CNTN4: variants seen among roughly 807,000 people sequenced by gnomAD.
The protein encoded by CNTN4 is contactin 4.
A neutral mutation model predicts 122.5 loss-of-function variants in CNTN4; 77 were observed. The observed-to-expected ratio is 0.63, with a 90% CI of 0.52 to 0.76. The LOEUF is 0.76. Among genes scored for constraint, CNTN4 ranks in the 30% least tolerant of loss-of-function variants. CNTN4 has a pLI of 0.00. For synonymous variants in CNTN4, 512 were observed against 447.0 expected, an observed-to-expected ratio of 1.15 and a Z score of -1.83; for missense variants, 1,256 against 1,259.1, an observed-to-expected ratio of 1.00 and a Z score of 0.04.
At chr3:2,940,535 G>C (rs906539346) in intron 13 of CNTN4, among the ~76,000 whole-genome samples, 2 of 152,166 alleles carry the variant, frequency 1.3e-5, no homozygotes, top group African/African-American at 4.8e-5. Context: ...TCATTAGGAT[G>C]GAGGAGATTG....
intron 8 of CNTN4, among the ~76,000 whole-genome samples, chr3:2,875,682 A>G (rs1284597114): frequency 2.0e-5 from 3 of 152,196 alleles, no homozygotes; most frequent in African/African-American, 7.2e-5. Context: ...CCCTTGACAA[A>G]ATGATATCAT....
chr3:2,925,875 C>G (rs757971933), intron 13 of CNTN4, 96 bp downstream of exon 13: 27 of 1,056,230 alleles, frequency 2.6e-5, no homozygotes, highest in Non-Finnish European at 3.8e-5. Context: ...TGACTATCTG[C>G]TGTTCCTGAA....
chr3:2,103,187 T>C (rs1488831121), intron 2 of CNTN4, among the ~76,000 whole-genome samples: 1 of 152,030 alleles, frequency 6.6e-6, no homozygotes, highest in Non-Finnish European at 1.5e-5. Flanking sequence ...ACAGCTTTTT[T>C]TTTTTTTGCT....
intron 4 of CNTN4, among the ~76,000 whole-genome samples, chr3:2,727,923 C>T (rs996416678): frequency 7.2e-5 from 11 of 152,174 alleles, no homozygotes; most frequent in Non-Finnish European, 1.5e-4. Context: ...TAATGTTTAT[C>T]CTTTAAGCAG....
chr3:2,300,344 T>C (rs956913664), intron 2 of CNTN4, among the ~76,000 whole-genome samples: 11 of 152,154 alleles, frequency 7.2e-5, no homozygotes, highest in Non-Finnish European at 1.6e-4. Flanking sequence ...TAGATTTGTA[T>C]GTGTAACGTT....
chr3:2,773,765 T>TTTTTTTTC (rs1357007249), intron 6 of CNTN4, among the ~76,000 whole-genome samples: 3 of 141,054 alleles, frequency 2.1e-5, no homozygotes, highest in Non-Finnish European at 4.7e-5. Flanking sequence ...TAGTAGACTT[T>TTTTTTTTC]TTTTTTTTTT....
chr3:2,120,409 T>TATATATATATATA (rs1559261225), intron 2 of CNTN4, among the ~76,000 whole-genome samples: 1 of 104,422 alleles, frequency 9.6e-6, no homozygotes, highest in African/African-American at 4.5e-5. Flanking sequence ...ATATATATTT[T>TATATATATATATA]TTTTTTTTTT....
At chr3:2,748,402 GA>G in intron 6 of CNTN4, among the ~76,000 whole-genome samples, 1 of 146,362 alleles carries the variant, frequency 6.8e-6, no homozygotes, top group South Asian at 2.2e-4. Context: ...CATCATATCT[GA>G]AATTGCTTTA....
intron 14 of CNTN4, among the ~76,000 whole-genome samples, chr3:3,011,080 T>A (rs553733696): frequency 1.3e-5 from 2 of 152,318 alleles, no homozygotes; most frequent in Non-Finnish European, 2.9e-5. Flanking sequence ...GCATTTGCGC[T>A]GATCTTCCCA....
intron 6 of CNTN4, among the ~76,000 whole-genome samples, chr3:2,761,437 C>CGT (rs2090584834): frequency 4.6e-5 from 6 of 130,380 alleles, no homozygotes; most frequent in African/African-American, 1.5e-4. Flanking sequence ...GTAAGTGTAA[C>CGT]CTGTGTGTGT....
chr3:2,904,641 T>C (rs773918166), intron 12 of CNTN4, among the ~76,000 whole-genome samples: 1 of 152,218 alleles, frequency 6.6e-6, no homozygotes, highest in Non-Finnish European at 1.5e-5. Flanking sequence ...CCAGGACACA[T>C]ATGATGATTC....
chr3:3,039,254 C>CA lies in CNTN4; in HGVS notation c.2163+260dup, dbSNP rs200948226. ...TATGAAGGGAAGACAACACACGTTACAAAAAAAAATAAAGAAGGCTGTTTC... is the reference window on the plus strand; with the variant it reads ...TATGAAGGGAAGACAACACACGTTACAAAAAAAAAATAAAGAAGGCTGTTTC... On this transcript the variant is annotated intron_variant, in intron 19 of 24. Coordinates refer to ENST00000418658, the MANE Select transcript of CNTN4 (RefSeq NM_175607.3). 5.7e-3 allele frequency: 2,307 copies of CA among 402,010 alleles called. 13 individuals are homozygous for CA. Among genetic ancestry groups the CA allele is most frequent in the African/African-American group, 0.02 (999 of 49,298 alleles). 24.9% of individuals were successfully genotyped at this position (402,010 alleles called of 1,614,324 possible).
At chr3:2,581,321 A>C (rs2079927935) in intron 4 of CNTN4, among the ~76,000 whole-genome samples, 1 of 152,014 alleles carries the variant, frequency 6.6e-6, no homozygotes. Flanking sequence ...CACTGGTCTG[A>C]CCTCAGAGAC....
At position 2,422,252 on chromosome 3, in the gene CNTN4, A is replaced by C. The variant is rs553259691; in HGVS notation, c.-89+83019A>C. 3.3e-5 allele frequency among the ~76,000 whole-genome samples: 5 copies of C among 152,342 alleles called. No individual in the cohort carries two copies. In the South Asian group the frequency reaches 1.0e-3, roughly 32 times the overall value. On this transcript the variant is annotated intron_variant, in intron 3 of 24. Coordinates refer to ENST00000418658, the MANE Select transcript of CNTN4 (RefSeq NM_175607.3). ...CTTAACCTGGGTTCCAATACCAGTT[A>C]CATTTAAGGAACTCTCCTTCCCCCT...
chr3:2,569,105 G>A (rs1452968140), intron 3 of CNTN4, among the ~76,000 whole-genome samples: 1 of 152,130 alleles, frequency 6.6e-6, no homozygotes, highest in African/African-American at 2.4e-5. Context: ...TATCCAATTA[G>A]AGATACGGCC....
At chr3:2,933,030 G>A (rs538441817) in intron 13 of CNTN4, among the ~76,000 whole-genome samples, 4 of 152,108 alleles carry the variant, frequency 2.6e-5, no homozygotes, top group Non-Finnish European at 5.9e-5. Flanking sequence ...CACCGTGTTA[G>A]CCAGGATGGT....
rs1249669431 is a variant in CNTN4 at position 2,140,232 on chromosome 3, A to G, written c.-145+39593A>G. On this transcript the variant is annotated intron_variant, in intron 2 of 24. Coordinates refer to ENST00000418658, the MANE Select transcript of CNTN4 (RefSeq NM_175607.3). ...GTATGTCTTTATTAGCAGTGTGAGA[A>G]CAGACTAATACACCACCTGAAATAA... 3.9e-5 allele frequency among the ~76,000 whole-genome samples: 6 copies of G among 152,286 alleles called. 1 individual carries two copies. Among genetic ancestry groups the G allele is most frequent in the African/African-American group, 1.4e-4 (6 of 41,548 alleles).
At chr3:2,413,000 G>C (rs1244958244) in intron 3 of CNTN4, among the ~76,000 whole-genome samples, 1 of 152,154 alleles carries the variant, frequency 6.6e-6, no homozygotes, top group Non-Finnish European at 1.5e-5. Flanking sequence ...AACTGTTATT[G>C]TTCCAAGTAT....
At chr3:2,326,427 C>T (rs1488036442) in intron 2 of CNTN4, among the ~76,000 whole-genome samples, 1 of 151,694 alleles carries the variant, frequency 6.6e-6, no homozygotes, top group East Asian at 1.9e-4. Flanking sequence ...ACTCACCCTG[C>T]AGATTTTGGG....
Sources: allele counts gnomAD v4.1 joint callset (sites outside exome capture counted in the v4.1 genomes callset), GRCh38; gene constraint gnomAD v4.1.1; transcripts MANE v1.5; gene names NCBI Gene and HGNC (gene_info 2026-07-23, HGNC 2026-07-21).